Variants in DDB2 observed in about 807,000 individuals in gnomAD.
The protein encoded by DDB2 is damage specific DNA binding protein 2, also known as DNA damage-binding protein 2.
DDB2 carries 27 observed loss-of-function variants against 50.5 expected under a neutral mutation model. The observed-to-expected ratio is 0.53, with a 90% confidence interval of 0.39 to 0.74. The LOEUF (loss-of-function observed/expected upper bound fraction) is 0.74. Among genes scored for constraint, DDB2 ranks in the 30% least tolerant of loss-of-function variants. The pLI, the probability that DDB2 is intolerant of heterozygous loss-of-function variation, is 0.00. For synonymous variants in DDB2, 176 were observed against 205.5 expected (o/e 0.86, Z 1.23); for missense variants, 424 against 545.6 (o/e 0.78, Z 2.22).
intron 2 of DDB2, 68 bp downstream of exon 2, chr11:47,216,540 A>C (rs976516916): frequency 6.2e-7 from 1 of 1,601,746 alleles, no homozygotes; most frequent in Non-Finnish European, 8.5e-7. Flanking sequence ...ATGCTCCCAA[A>C]TTAGATGATG....
intron 1 of DDB2, chr11:47,216,028 T>C (rs1349998546): frequency 2.2e-6 from 1 of 460,892 alleles, no homozygotes; most frequent in Non-Finnish European, 4.0e-6. Context: ...CAGCCCAAAC[T>C]GGGAAGAGTT....
upstream of DDB2, chr11:47,214,698 G>C (rs1953372289): frequency 3.8e-6 from 1 of 261,580 alleles, no homozygotes; most frequent in Non-Finnish European, 7.6e-6. Context: ...TTGAGCCCAG[G>C]AGGTGGAGGC....
At chr11:47,238,403 C>CTT (rs781240281) in intron 9 of DDB2, among the ~76,000 whole-genome samples, 4 of 146,866 alleles carry the variant, frequency 2.7e-5, no homozygotes, top group Non-Finnish European at 3.0e-5. Flanking sequence ...CCTAGTATTT[C>CTT]TTTTTTTTTT....
At position 47,214,978 on chromosome 11, in the gene DDB2, T is replaced by C; in HGVS notation, c.-159T>C. 19 of 1,096,450 alleles carry C rather than the reference T, an allele frequency of 1.7e-5. No homozygotes were observed. The highest frequency in any genetic ancestry group is 2.6e-5 in the Non-Finnish European group (19 of 734,988). The allele number at this position is 1,096,450 out of a possible 1,614,324, so 67.9% of individuals were successfully genotyped here. A position where few individuals can be genotyped will look rare whatever the true frequency, so the allele number is the denominator to read the frequency against. ...GTGGGGCCGGAGCTCCAAGCTGGTT[T>C]GAACAAGCCCTGGGCATGTTTGGCG... is the stretch of plus-strand genomic sequence containing the variant. On this transcript the variant is annotated 5_prime_UTR_variant, in exon 1 of 10. Transcript: ENST00000256996.
Position 47,238,783 on chromosome 11 carries a change from G to T in DDB2, c.1235-17G>T. 1 of 1,613,260 alleles carries T rather than the reference G, an allele frequency of 6.2e-7. No homozygotes were observed. Among genetic ancestry groups the T allele is most frequent in the South Asian group, 1.1e-5 (1 of 91,054 alleles). ...GGTAACAGAAAGTGTAAGTCAGACT[G>T]GTCTCACTCTTCCTAGGTTACCACA... On this transcript the variant is annotated splice_polypyrimidine_tract_variant and intron_variant, in intron 9 of 9. Transcript: ENST00000256996.
At chr11:47,233,207 T>C (rs1953673982) in intron 4 of DDB2, 1 of 544,784 alleles carries the variant, frequency 1.8e-6, no homozygotes, top group Non-Finnish European at 3.3e-6. Context: ...TGTATTAGAC[T>C]GGACCTTGAC....
Position 47,229,818 on chromosome 11 carries a change from CTTTTTTT to C in DDB2, c.457-2985_457-2979del, listed in dbSNP as rs11376360. The C allele has an allele frequency of 2.7e-5, 9 of 329,652 alleles. No individual in the cohort carries two copies. In the East Asian group the frequency reaches 3.5e-4, roughly 13 times the overall value. The allele number at this position is 329,652 out of a possible 1,614,324, so 20.4% of individuals were successfully genotyped here. On this transcript the variant is annotated intron_variant, in intron 3 of 9. Transcript: ENST00000256996. ...CCCTATGCTTAATTTGATGGCTCTT[CTTTTTTT>C]TTTTTTTTTTCTTCTTCCTAATAGA...
intron 3 of DDB2, among the ~76,000 whole-genome samples, chr11:47,227,364 C>T (rs922122772): frequency 6.6e-6 from 1 of 151,976 alleles, no homozygotes; most frequent in African/African-American, 2.4e-5. Flanking sequence ...GCCTCGGCCT[C>T]CCAAAGTGCT....
chr11:47,235,516 C>G lies in DDB2; in HGVS notation c.1023+104C>G. On this transcript the variant is annotated intron_variant, in intron 7 of 9. Coordinates refer to ENST00000256996, the MANE Select transcript of DDB2 (RefSeq NM_000107.3). Reference sequence around the variant, plus strand: ...GGCTGATGTGGTAAGCCTGCCACCCCAGATCGCTCCTGGCCCGAGCACAGA... The same window carrying G: ...GGCTGATGTGGTAAGCCTGCCACCCGAGATCGCTCCTGGCCCGAGCACAGA... 4.7e-6 allele frequency: 6 copies of G among 1,270,198 alleles called. 1 individual carries two copies. In the South Asian group the frequency reaches 6.3e-5, roughly 13 times the overall value. 78.7% of individuals were successfully genotyped at this position (1,270,198 alleles called of 1,614,324 possible).
At chr11:47,231,924 C>A (rs1421160600) in intron 3 of DDB2, among the ~76,000 whole-genome samples, 4 of 152,004 alleles carry the variant, frequency 2.6e-5, no homozygotes, top group Non-Finnish European at 4.4e-5. Flanking sequence ...TGGGCTGTTG[C>A]AAATGTTCTG....
chr11:47,226,209 C>G (rs1335715002), intron 3 of DDB2, among the ~76,000 whole-genome samples: 1 of 152,034 alleles, frequency 6.6e-6, no homozygotes, highest in African/African-American at 2.4e-5. Flanking sequence ...ACTGGCTATA[C>G]CATCTCATGT....
chr11:47,215,162 C>T lies in DDB2; in HGVS notation c.26C>T (p.Thr9Ile). 6.2e-7 allele frequency: 1 copy of T among 1,614,020 alleles called. No individual in the cohort carries two copies. The highest frequency in any genetic ancestry group is 2.2e-5 in the East Asian group (1 of 44,856). The stretch of plus-strand genomic sequence containing the variant: ...ATGGCTCCCAAGAAACGCCCAGAAA[C>T]CCAGAAGACCTCCGAGATTGTATTA... MAPKKRPE[T>I]QKTSEIVLRP... The change falls in exon 1 of 10, where the codon ACC (threonine) becomes ATC (isoleucine). Residue 9 changes from threonine to isoleucine, a missense_variant. Thr to Ile is a moderately conservative substitution (Grantham distance 89). Transcript: ENST00000256996.
In DDB2 at chr11:47,238,117, T is replaced by C. The variant is rs326222; in HGVS notation, c.1189-21T>C. 1,053,937 of 1,610,336 alleles carry C rather than the reference T, an allele frequency of 0.65. 354,776 individuals carry two copies. Among genetic ancestry groups the C allele is most frequent in the Middle Eastern group, 0.71 (4,295 of 6,058 alleles). Reference sequence around the variant, plus strand: ...CTAATACCTTCACCCTCTCCTCATGTTGACACTCTTGTCTCTGCAGCTTAA... The same window carrying C: ...CTAATACCTTCACCCTCTCCTCATGCTGACACTCTTGTCTCTGCAGCTTAA... On this transcript the variant is annotated intron_variant, in intron 8 of 9. Transcript: ENST00000256996.
chr11:47,234,968 C>A (rs781231692), intron 6 of DDB2, 34 bp downstream of exon 6: 1 of 1,610,214 alleles, frequency 6.2e-7, no homozygotes, highest in Non-Finnish European at 8.5e-7. Context: ...CTCCTGCAGA[C>A]CCTGCCTGTC....
intron 3 of DDB2, among the ~76,000 whole-genome samples, chr11:47,229,375 G>T (rs1165189091): frequency 1.3e-5 from 2 of 152,174 alleles, no homozygotes; most frequent in Admixed American, 6.5e-5. Flanking sequence ...TTTGCATGGA[G>T]AGGGGCGGCC....
intron 3 of DDB2, among the ~76,000 whole-genome samples, chr11:47,223,484 A>AAAAT (rs542359887): frequency 6.7e-6 from 1 of 150,258 alleles, no homozygotes; most frequent in East Asian, 2.0e-4. Flanking sequence ...CTGTGTCTCA[A>AAAAT]AAATAAATAA....
In DDB2 at chr11:47,215,081, A is replaced by G. The variant is rs777159854; in HGVS notation, c.-56A>G. 5 of 1,612,972 alleles carry G rather than the reference A, an allele frequency of 3.1e-6. No homozygotes were observed. Among genetic ancestry groups the G allele is most frequent in the Non-Finnish European group, 4.2e-6 (5 of 1,179,506 alleles). ...CTTGTTTCTCCCCAGAGGCCTCTCA[A>G]TCCTCCCTCCATGATCTTCGCATAG... On this transcript the variant is annotated 5_prime_UTR_variant, in exon 1 of 10. Transcript: ENST00000256996.
intron 3 of DDB2, among the ~76,000 whole-genome samples, chr11:47,231,119 C>CAAAAAA (rs139290057): frequency 1.9e-4 from 11 of 58,344 alleles, no homozygotes; most frequent in South Asian, 7.6e-4. Flanking sequence ...GCCTTCATCT[C>CAAAAAA]AAAAAAAAAA....
At chr11:47,224,972 C>G (rs570503969) in intron 3 of DDB2, among the ~76,000 whole-genome samples, 3 of 152,108 alleles carry the variant, frequency 2.0e-5, no homozygotes, top group South Asian at 4.1e-4. Context: ...AGGTCTCACT[C>G]TCTCTTCCAG....
Sources: allele counts gnomAD v4.1 joint callset (sites outside exome capture counted in the v4.1 genomes callset), GRCh38; gene constraint gnomAD v4.1.1; transcripts MANE v1.5; gene names NCBI Gene and HGNC (gene_info 2026-07-23, HGNC 2026-07-21).